OSTC: variants seen among roughly 807,000 people sequenced by gnomAD.
The protein encoded by OSTC is oligosaccharyltransferase complex subunit OSTC.
In OSTC, 16 loss-of-function variants were observed where a neutral mutation model predicts 16.4. The ratio of observed to expected loss-of-function variants is 0.98; its 90% confidence interval spans 0.66 to 1.49. The LOEUF (loss-of-function observed/expected upper bound fraction) is 1.49, where lower values mean the gene tolerates loss of function less well. OSTC is among the 40% of genes most tolerant of loss of function. The pLI is 0.00. For missense variants in OSTC, 139 were observed against 186.3 expected (o/e 0.75, Z 1.48); for synonymous variants, 67 against 68.5 (o/e 0.98, Z 0.11).
At chr4:108,657,359 A>G in intron 2 of OSTC, 91 bp from the exon 3 acceptor site, 1 of 1,128,662 alleles carries the variant, frequency 8.9e-7, no homozygotes, top group Non-Finnish European at 1.3e-6. Flanking sequence ...TAGCACAAAA[A>G]TGTTTTGGCA....
intron 3 of OSTC, among the ~76,000 whole-genome samples, chr4:108,666,443 C>T (rs1219811802): frequency 2.0e-5 from 3 of 152,142 alleles, no homozygotes; most frequent in Admixed American, 2.0e-4. Context: ...GGCGCGGTGG[C>T]TCACACCTGT....
intron 3 of OSTC, among the ~76,000 whole-genome samples, chr4:108,657,960 C>T (rs369006159): frequency 2.2e-5 from 2 of 91,898 alleles, no homozygotes; most frequent in Non-Finnish European, 3.9e-5. Context: ...GACGGAGTTT[C>T]GCTCTTGTTG....
intron 1 of OSTC, among the ~76,000 whole-genome samples, chr4:108,653,139 C>T (rs979744757): frequency 8.6e-5 from 13 of 152,038 alleles, no homozygotes; most frequent in East Asian, 3.9e-4. Context: ...GTGGGAGGAT[C>T]GCCTGAGCCT....
intron 3 of OSTC, among the ~76,000 whole-genome samples, chr4:108,658,898 G>A (rs1302278390): frequency 1.3e-5 from 2 of 151,324 alleles, no homozygotes; most frequent in African/African-American, 2.4e-5. Context: ...GGATGGGAGG[G>A]AAAGCATGGA....
At chr4:108,663,130 C>T (rs1015766526) in intron 3 of OSTC, 4 of 440,596 alleles carry the variant, frequency 9.1e-6, no homozygotes, top group Non-Finnish European at 1.8e-5. Context: ...TGTTTTCATT[C>T]TAAAGATAGA....
rs773672474 is a variant in OSTC, at chr4:108,667,380, A to G, written c.*115A>G. ...GAAAAGAATGAAGAGCAGCAGTAAA[A>G]GAAATATCTAGTGAAAAAACAGGAA... On this transcript the variant is annotated 3_prime_UTR_variant, in exon 4 of 4. Coordinates refer to ENST00000361564, the MANE Select transcript of OSTC (RefSeq NM_021227.4). 48 of 801,196 alleles carry G rather than the reference A, an allele frequency of 6.0e-5. No homozygotes were observed. The highest frequency in any genetic ancestry group is 9.0e-5 in the Non-Finnish European group (46 of 512,252). The allele number at this position is 801,196 out of a possible 1,614,324, so 49.6% of individuals were successfully genotyped here.
At chr4:108,661,721 C>T (rs1726861889) in intron 3 of OSTC, among the ~76,000 whole-genome samples, 1 of 152,152 alleles carries the variant, frequency 6.6e-6, no homozygotes, top group African/African-American at 2.4e-5. Flanking sequence ...CCTCAGCCTC[C>T]CGAGTAGCTG....
intron 3 of OSTC, among the ~76,000 whole-genome samples, chr4:108,659,867 T>C (rs1172445976): frequency 6.6e-6 from 1 of 152,254 alleles, no homozygotes; most frequent in Non-Finnish European, 1.5e-5. Flanking sequence ...GTTTTGCTTA[T>C]AGAATCAAAT....
chr4:108,655,549 TTG>T lies in OSTC; in HGVS notation c.140-13_140-12del, dbSNP rs1726678710. On this transcript the variant is annotated splice_polypyrimidine_tract_variant and intron_variant, in intron 1 of 3. Transcript: ENST00000361564. ...TAGTAATACAATCTAATCTGTTCTG[TTG>T]TCTTTCTTATAGGAATAATTTATGA... 4.7e-6 allele frequency: 7 copies of T among 1,483,268 alleles called. No homozygotes were observed. In the South Asian group the frequency reaches 8.1e-5, roughly 17 times the overall value. 91.9% of individuals were successfully genotyped at this position (1,483,268 alleles called of 1,614,324 possible).
Position 108,650,670 on chromosome 4 carries a change from C to A in OSTC, c.15C>A (p.Tyr5Ter). 1.2e-6 allele frequency: 2 copies of A among 1,614,116 alleles called. No homozygotes were observed. Among genetic ancestry groups the A allele is most frequent in the Non-Finnish European group, 1.7e-6 (2 of 1,180,004 alleles). The stretch of plus-strand genomic sequence containing the variant: ...CTGCCACCAACATGGAGACTTTGTA[C>A]CGTGTCCCGTTCTTAGTGCTCGAAT... METL[Y>*]RVPFLVLECP... Residue 5 changes from tyrosine (Y) to a stop codon, truncating the protein, a stop_gained, in exon 1 of 4, where the codon TAC becomes TAA. Transcript: ENST00000361564. LOFTEE classifies it high-confidence loss of function.
Position 108,655,596 on chromosome 4 carries a change from A to G in OSTC, c.172A>G (p.Ser58Gly), listed in dbSNP as rs779016689. ...TTATGATGTTATTGTTGAACCTCCA[A>G]GTGTCGGTTCTATGACTGATGAACA... is the stretch of plus-strand genomic sequence containing the variant. ...IIYDVIVEPP[S>G]VGSMTDEHGH... is the part of the protein sequence containing the mutation. The change falls in exon 2 of 4, where the codon AGT (serine) becomes GGT (glycine). Residue 58 changes from serine (S) to glycine (G), a missense_variant. Transcript: ENST00000361564. The G allele has an allele frequency of 6.2e-7, 1 of 1,606,846 alleles. No individual in the cohort carries two copies. Among genetic ancestry groups the G allele is most frequent in the East Asian group, 2.2e-5 (1 of 44,784 alleles).
At chr4:108,667,151 CAT>C (rs1429868018) in intron 3 of OSTC, 94 bp from the exon 4 acceptor site, 9 of 929,090 alleles carry the variant, frequency 9.7e-6, no homozygotes, top group African/African-American at 6.8e-5. Context: ...TTTGATATAT[CAT>C]AAAATTTGTT....
chr4:108,651,837 A>G (rs1726559656), intron 1 of OSTC, among the ~76,000 whole-genome samples: 2 of 152,220 alleles, frequency 1.3e-5, no homozygotes, highest in South Asian at 2.1e-4. Context: ...GTTGGCACTG[A>G]AGGGGGAGGA....
intron 3 of OSTC, chr4:108,663,427 TCTC>T (rs1217206889): frequency 5.1e-5 from 16 of 314,498 alleles, no homozygotes; most frequent in Non-Finnish European, 9.9e-5. Flanking sequence ...TAGCCAGTGA[TCTC>T]CTAACCTCGT....
At chr4:108,653,823 A>G (rs1017649521) in intron 1 of OSTC, among the ~76,000 whole-genome samples, 11 of 152,216 alleles carry the variant, frequency 7.2e-5, no homozygotes, top group Non-Finnish European at 1.6e-4. Flanking sequence ...GGCAAAGTCC[A>G]AAGTCTCTGT....
At chr4:108,661,655 T>A (rs1046725884) in intron 3 of OSTC, among the ~76,000 whole-genome samples, 4 of 152,336 alleles carry the variant, frequency 2.6e-5, no homozygotes, top group African/African-American at 9.6e-5. Context: ...TAGAGTGCAA[T>A]GGCGCGGTCT....
chr4:108,667,498 A>G lies in OSTC; in HGVS notation c.*233A>G, dbSNP rs1024996086. The G allele has an allele frequency of 8.7e-5, 34 of 389,052 alleles. No individual in the cohort carries two copies. The highest frequency in any genetic ancestry group is 2.5e-4 in the African/African-American group (12 of 48,362). 24.1% of individuals were successfully genotyped at this position (389,052 alleles called of 1,614,324 possible). ...TTCCTGCTGGCCTATTGCTATACCA[A>G]TGATGTTGAGTGGCATTTTCTTTTT... On this transcript the variant is annotated 3_prime_UTR_variant, in exon 4 of 4. Transcript: ENST00000361564.
chr4:108,667,579 TA>T lies in OSTC; in HGVS notation c.*315del. The T allele has an allele frequency of 4.4e-6, 1 of 225,642 alleles. No individual in the cohort carries two copies. The highest frequency in any genetic ancestry group is 8.6e-6 in the Non-Finnish European group (1 of 116,782). 14.0% of individuals were successfully genotyped at this position (225,642 alleles called of 1,614,324 possible). ...CAACTATAATATCAAATAAAGTGATTATTTTTTACAACCCTCTTAACATTTT... is the reference window on the plus strand; with the variant it reads ...CAACTATAATATCAAATAAAGTGATTTTTTTTACAACCCTCTTAACATTTT... On this transcript the variant is annotated 3_prime_UTR_variant, in exon 4 of 4. Coordinates refer to ENST00000361564, the MANE Select transcript of OSTC (RefSeq NM_021227.4).
chr4:108,665,743 A>G (rs892570824), intron 3 of OSTC, among the ~76,000 whole-genome samples: 1 of 151,882 alleles, frequency 6.6e-6, no homozygotes, highest in Non-Finnish European at 1.5e-5. Context: ...TAGTTTTAGT[A>G]GAGGTGGGTT....
Sources: allele counts gnomAD v4.1 joint callset (sites outside exome capture counted in the v4.1 genomes callset), GRCh38; gene constraint gnomAD v4.1.1; transcripts MANE v1.5; gene names NCBI Gene and HGNC (gene_info 2026-07-23, HGNC 2026-07-21).